CCN5: variants seen among roughly 807,000 people sequenced by gnomAD.
The protein encoded by CCN5 is cellular communication network factor 5, also known as CCN family member 5.
Under a neutral mutation model 18.7 loss-of-function variants are expected in CCN5, and 17 were observed. The ratio of observed to expected loss-of-function variants is 0.91; its 90% CI spans 0.62 to 1.36. The LOEUF is 1.36. Among genes scored for constraint, CCN5 ranks in the 40% most tolerant of loss-of-function variants. CCN5 has a pLI of 0.00. For missense variants in CCN5, 367 were observed against 342.9 expected (o/e 1.07, Z -0.56); for synonymous variants, 135 against 145.2 (o/e 0.93, Z 0.50).
chr20:44,726,317 A>C (rs1207642368), intron 3 of CCN5, among the ~76,000 whole-genome samples: 1 of 152,216 alleles, frequency 6.6e-6, no homozygotes, highest in East Asian at 1.9e-4. Context: ...ATCTCAACTA[A>C]GTGTGTCCCT....
In CCN5 at chr20:44,719,904, C is replaced by G. The variant is rs773876321; in HGVS notation, c.68C>G (p.Thr23Ser). The change falls in exon 2 of 4, where the codon ACC (threonine) becomes AGC (serine). Residue 23 changes from threonine to serine, a missense_variant. Thr to Ser is a moderately conservative substitution (Grantham distance 58, BLOSUM62 1). Coordinates refer to ENST00000190983, the MANE Select transcript of CCN5 (RefSeq NM_003881.4). ...AGGTCTCTGTCTCTTCAGGTGCGTACCCAGCTGTGCCCGACACCATGTACC... is the reference window on the plus strand; with the variant it reads ...AGGTCTCTGTCTCTTCAGGTGCGTAGCCAGCTGTGCCCGACACCATGTACC... ...SLLCLLSKVR[T>S]QLCPTPCTCP... 6 of 1,613,028 alleles carry G rather than the reference C, an allele frequency of 3.7e-6. No individual in the cohort carries two copies. Among genetic ancestry groups the G allele is most frequent in the Non-Finnish European group, 4.2e-6 (5 of 1,179,832 alleles).
intron 3 of CCN5, among the ~76,000 whole-genome samples, chr20:44,726,717 T>A (rs2065938402): frequency 6.6e-6 from 1 of 152,148 alleles, no homozygotes; most frequent in South Asian, 2.1e-4. Flanking sequence ...AATCCTGGAA[T>A]CTTTAGCATC....
rs78282907 is a variant in CCN5, at chr20:44,727,617, C to A, written c.*310C>A. ...AGCCTATATCAAACATGCACACGGG[C>A]GAGCTTTCTCTCCGACTTCCCCTGG... is the stretch of plus-strand genomic sequence containing the variant. On this transcript the variant is annotated 3_prime_UTR_variant, in exon 4 of 4. Coordinates refer to ENST00000190983, the MANE Select transcript of CCN5 (RefSeq NM_003881.4). 8.0e-5 allele frequency: 80 copies of A among 1,004,236 alleles called. No individual in the cohort carries two copies. Among genetic ancestry groups the A allele is most frequent in the Non-Finnish European group, 9.9e-5 (77 of 775,772 alleles). The allele number at this position is 1,004,236 out of a possible 1,614,324, so 62.2% of individuals were successfully genotyped here.
Position 44,719,990 on chromosome 20 carries a change from T to C in CCN5, c.154T>C (p.Cys52Arg). The C allele has an allele frequency of 1.9e-6, 3 of 1,612,914 alleles. No individual in the cohort carries two copies. Among genetic ancestry groups the C allele is most frequent in the Non-Finnish European group, 2.5e-6 (3 of 1,179,878 alleles). Residue 52 changes from cysteine to arginine, a missense_variant, in exon 2 of 4, where the codon TGC becomes CGC. Coordinates refer to ENST00000190983, the MANE Select transcript of CCN5 (RefSeq NM_003881.4). Reference protein sequence around the residue: ...GVPLVLDGCGCCRVCARRLGE... With the variant: ...GVPLVLDGCGRCRVCARRLGE... Reference sequence around the variant, plus strand: ...ACCCCTGGTGCTGGATGGCTGTGGCTGCTGCCGGGTATGTGCACGGCGGCT... The same window carrying C: ...ACCCCTGGTGCTGGATGGCTGTGGCCGCTGCCGGGTATGTGCACGGCGGCT...
chr20:44,723,242 G>T (rs2065912453), intron 2 of CCN5, among the ~76,000 whole-genome samples: 1 of 151,914 alleles, frequency 6.6e-6, no homozygotes, highest in African/African-American at 2.4e-5. Flanking sequence ...GGCCTTCCCT[G>T]CTGGAGGATT....
chr20:44,720,430 G>T, intron 2 of CCN5: 1 of 445,640 alleles, frequency 2.2e-6, no homozygotes, highest in African/African-American at 2.0e-5. Context: ...CAAACCAGAT[G>T]CCACCACTCC....
chr20:44,719,375 C>T (rs945733983), intron 1 of CCN5, among the ~76,000 whole-genome samples: 3 of 152,322 alleles, frequency 2.0e-5, no homozygotes, highest in Admixed American at 1.3e-4. Context: ...GGAAGTCTAG[C>T]CAGGTGCAGT....
In CCN5 at chr20:44,715,566, G is replaced by A. The variant is rs907752504; in HGVS notation, c.60+116G>A. 5.3e-6 allele frequency: 6 copies of A among 1,126,214 alleles called. No individual in the cohort carries two copies. In the Admixed American group the frequency reaches 6.1e-5, roughly 11 times the overall value. The allele number at this position is 1,126,214 out of a possible 1,614,324, so 69.8% of individuals were successfully genotyped here. ...AGAATTCCTCCAGGGCCCCACATTG[G>A]GCACAGTCTGGCCCCCATGCCTAAG... On this transcript the variant is annotated intron_variant, in intron 1 of 3. Transcript: ENST00000190983.
intron 1 of CCN5, among the ~76,000 whole-genome samples, chr20:44,717,045 A>C (rs2065864438): frequency 6.6e-6 from 1 of 152,102 alleles, no homozygotes; most frequent in South Asian, 2.1e-4. Flanking sequence ...CTTGCCCCCC[A>C]CCACCAGATA....
upstream of CCN5, chr20:44,714,868 G>C (rs1407958625): frequency 6.5e-6 from 1 of 152,718 alleles, no homozygotes; most frequent in Non-Finnish European, 1.5e-5. Context: ...CCCAGAGTCA[G>C]GGCCACGGAG....
chr20:44,717,407 G>C (rs1016474351), intron 1 of CCN5, among the ~76,000 whole-genome samples: 1 of 152,152 alleles, frequency 6.6e-6, no homozygotes, highest in African/African-American at 2.4e-5. Flanking sequence ...GGGAGCCAAG[G>C]TGCACAGCTG....
chr20:44,724,344 C>T (rs1039142230), intron 2 of CCN5: 2 of 223,586 alleles, frequency 8.9e-6, no homozygotes, highest in African/African-American at 4.7e-5. Context: ...TAGCTAGGAC[C>T]TATGGAAGGT....
intron 3 of CCN5, among the ~76,000 whole-genome samples, chr20:44,725,363 G>A (rs1250276178): frequency 6.6e-6 from 1 of 151,916 alleles, no homozygotes; most frequent in African/African-American, 2.4e-5. Flanking sequence ...GCTTGAACCC[G>A]GGAGGCAGAG....
chr20:44,727,010 G>T, intron 3 of CCN5, 77 bp from the exon 4 acceptor site: 1 of 1,396,152 alleles, frequency 7.2e-7, no homozygotes, highest in Non-Finnish European at 9.6e-7. Context: ...CAAGATTGCC[G>T]TGGCCGCTGG....
In CCN5 at chr20:44,719,957, C is replaced by G; in HGVS notation, c.121C>G (p.Leu41Val). 1 of 1,613,906 alleles carries G rather than the reference C, an allele frequency of 6.2e-7. No individual in the cohort carries two copies. Among genetic ancestry groups the G allele is most frequent in the Non-Finnish European group, 8.5e-7 (1 of 1,179,944 alleles). ...CCCCTGGCCACCTCCCCGATGCCCG[C>G]TGGGAGTACCCCTGGTGCTGGATGG... Reference protein sequence around the residue: ...TCPWPPPRCPLGVPLVLDGCG... With the variant: ...TCPWPPPRCPVGVPLVLDGCG... The change falls in exon 2 of 4, where the codon CTG (leucine) becomes GTG (valine). Residue 41 changes from leucine (L) to valine (V), a missense_variant. Coordinates refer to ENST00000190983, the MANE Select transcript of CCN5 (RefSeq NM_003881.4).
Position 44,727,574 on chromosome 20 carries a change from C to A in CCN5, c.*267C>A. The A allele has an allele frequency of 7.7e-7, 1 of 1,293,496 alleles. No homozygotes were observed. Among genetic ancestry groups the A allele is most frequent in the Non-Finnish European group, 9.9e-7 (1 of 1,009,528 alleles). 80.1% of individuals were successfully genotyped at this position (1,293,496 alleles called of 1,614,324 possible). On this transcript the variant is annotated 3_prime_UTR_variant, in exon 4 of 4. Coordinates refer to ENST00000190983, the MANE Select transcript of CCN5 (RefSeq NM_003881.4). ...AAGGTGTCCAGGGTCCTCTAGCCCA[C>A]TCCCTGCCTACACACACAGCCTATA...
At chr20:44,715,092 A>ATG (rs777937505), upstream of CCN5, 931 of 236,330 alleles carry the variant, frequency 3.9e-3, 1 homozygote, top group Non-Finnish European at 6.5e-3. Context: ...ACACACACAC[A>ATG]CGCGCACACA....
chr20:44,718,190 C>T (rs1483913326), intron 1 of CCN5, among the ~76,000 whole-genome samples: 1 of 152,172 alleles, frequency 6.6e-6, no homozygotes, highest in Non-Finnish European at 1.5e-5. Context: ...TACTTTGTGG[C>T]CCCCACCAGA....
chr20:44,725,273 A>T (rs928491177), intron 3 of CCN5, among the ~76,000 whole-genome samples: 1 of 152,134 alleles, frequency 6.6e-6, no homozygotes, highest in African/African-American at 2.4e-5. Flanking sequence ...CCCCGTCTCT[A>T]CTAAAAATTC....
Sources: allele counts gnomAD v4.1 joint callset (sites outside exome capture counted in the v4.1 genomes callset), GRCh38; gene constraint gnomAD v4.1.1; transcripts MANE v1.5; gene names NCBI Gene and HGNC (gene_info 2026-07-23, HGNC 2026-07-21).